The following PTPN9 variants were observed in gnomAD, a reference collection of about 807,000 sequenced individuals.
The protein encoded by PTPN9 is protein tyrosine phosphatase non-receptor type 9, also known as tyrosine-protein phosphatase non-receptor type 9.
PTPN9 carries 26 observed loss-of-function variants against 69.8 expected under a neutral mutation model. That is an observed-to-expected ratio of 0.37 (90% CI 0.27 to 0.52). The LOEUF (loss-of-function observed/expected upper bound fraction) is 0.52, where lower values mean the gene tolerates loss of function less well. Ranked by LOEUF, PTPN9 falls within the 20% of genes least tolerant of loss-of-function variation. The probability of loss-of-function intolerance (pLI) is 0.91; values close to 1 mark genes in which losing one functional copy is unlikely to be tolerated. For synonymous variants in PTPN9, 274 were observed against 272.5 expected, an observed-to-expected ratio of 1.01 and a Z score of -0.05; for missense variants, 549 against 740.3, an observed-to-expected ratio of 0.74 and a Z score of 3.00.
intron 1 of PTPN9, among the ~76,000 whole-genome samples, chr15:75,543,192 T>A (rs185684396): frequency 1.1e-4 from 17 of 152,246 alleles, no homozygotes; most frequent in Non-Finnish European, 2.1e-4. Flanking sequence ...TCATTTTTTA[T>A]GGCTGCCCTT....
intron 7 of PTPN9, among the ~76,000 whole-genome samples, chr15:75,491,654 T>C (rs917736495): frequency 6.6e-6 from 1 of 152,116 alleles, no homozygotes; most frequent in African/African-American, 2.4e-5. Context: ...AAAGAAGAGC[T>C]ATAGAGAAAG....
chr15:75,505,609 G>T, intron 7 of PTPN9, 66 bp downstream of exon 7: 1 of 1,229,956 alleles, frequency 8.1e-7, no homozygotes, highest in Non-Finnish European at 1.2e-6. Flanking sequence ...GGTGGAAGGA[G>T]CTGTTGCCAG....
At chr15:75,569,992 TG>T (rs1464977089) in intron 1 of PTPN9, among the ~76,000 whole-genome samples, 2 of 152,006 alleles carry the variant, frequency 1.3e-5, no homozygotes, top group Non-Finnish European at 2.9e-5. Context: ...AGCTAATTTT[TG>T]TATCTTTACT....
chr15:75,548,578 A>G (rs1199556236), intron 1 of PTPN9, among the ~76,000 whole-genome samples: 5 of 151,454 alleles, frequency 3.3e-5, no homozygotes, highest in Admixed American at 2.6e-4. Context: ...GAACTTCTAA[A>G]GAGAAGACAG....
At chr15:75,569,443 G>A (rs1052233684) in intron 1 of PTPN9, among the ~76,000 whole-genome samples, 33 of 151,994 alleles carry the variant, frequency 2.2e-4, no homozygotes, top group African/African-American at 9.7e-5. Context: ...GGTGGCTCAC[G>A]CCTGTAATCC....
intron 1 of PTPN9, among the ~76,000 whole-genome samples, chr15:75,552,840 G>C (rs978665452): frequency 1.0e-4 from 15 of 149,222 alleles, no homozygotes; most frequent in African/African-American, 3.7e-4. Context: ...AAGGGCACTG[G>C]GTCATGCTGA....
At chr15:75,568,961 T>A (rs1279992897) in intron 1 of PTPN9, among the ~76,000 whole-genome samples, 1 of 152,134 alleles carries the variant, frequency 6.6e-6, no homozygotes, top group Non-Finnish European at 1.5e-5. Context: ...CTGAGAAGTG[T>A]AGGCTAAACT....
intron 1 of PTPN9, among the ~76,000 whole-genome samples, chr15:75,537,924 T>C (rs751384343): frequency 4.6e-5 from 7 of 151,312 alleles, no homozygotes; most frequent in African/African-American, 9.7e-5. Flanking sequence ...CTGTGTGTGG[T>C]GGTGCCTGCC....
rs1340923992 is a variant in PTPN9, at chr15:75,510,852, C to T, written c.529-1825G>A. On this transcript the variant is annotated intron_variant, in intron 5 of 12. Transcript: ENST00000618819. The stretch of plus-strand genomic sequence containing the variant: ...TCATCACAAACAAAAACCCTGTACC[C>T]ATTAAATAACATCTCCCTATTCCCT... 2.6e-5 allele frequency among the ~76,000 whole-genome samples: 4 copies of T among 152,234 alleles called. No homozygotes were observed. In the East Asian group the frequency reaches 7.7e-4, roughly 29 times the overall value.
chr15:75,530,092 G>A (rs1353805043), intron 1 of PTPN9, among the ~76,000 whole-genome samples: 1 of 149,938 alleles, frequency 6.7e-6, no homozygotes, highest in Non-Finnish European at 1.5e-5. Flanking sequence ...CTCCCGGCTA[G>A]TCAGGAGGCT....
At chr15:75,506,133 G>T in intron 6 of PTPN9, 130 bp from the exon 7 acceptor site, 1 of 716,708 alleles carries the variant, frequency 1.4e-6, no homozygotes, top group Non-Finnish European at 2.3e-6. Context: ...AGGTATACTT[G>T]TAAAAGTAGT....
Position 75,490,276 on chromosome 15 carries a change from G to A in PTPN9, c.994C>T (p.Arg332Cys). 2 of 1,613,282 alleles carry A rather than the reference G, an allele frequency of 1.2e-6. No homozygotes were observed. The highest frequency in any genetic ancestry group is 2.2e-5 in the East Asian group (1 of 44,866). ...SMSPGNLEKN[R>C]YGDVPCLDQT... ...TCCAGGCAGGGTACATCCCCATAAC[G>A]GTTTTTCTCTAGGTTTCCTGGAGAC... Residue 332 changes from arginine (R) to cysteine (C), a missense_variant, in exon 8 of 13, where the codon CGT (arginine) becomes TGT (cysteine). Physicochemically the swap from Arg to Cys is radical, Grantham distance 180. Coordinates refer to ENST00000618819, the MANE Select transcript of PTPN9 (RefSeq NM_002833.4).
chr15:75,575,266 C>T (rs1480824080), intron 1 of PTPN9, among the ~76,000 whole-genome samples: 1 of 27,086 alleles, frequency 3.7e-5, no homozygotes, highest in Non-Finnish European at 6.3e-5. Flanking sequence ...AGCCACCGCG[C>T]CCGGCCGAAA....
chr15:75,536,394 C>A (rs900273457), intron 1 of PTPN9, among the ~76,000 whole-genome samples: 1 of 152,142 alleles, frequency 6.6e-6, no homozygotes. Context: ...TGTATAAATA[C>A]ATCTTTACCA....
chr15:75,572,035 C>G (rs527572428), intron 1 of PTPN9, among the ~76,000 whole-genome samples: 3 of 151,784 alleles, frequency 2.0e-5, no homozygotes, highest in Admixed American at 6.6e-5. Flanking sequence ...AGTGAGAGTT[C>G]TAGTTAAGAG....
chr15:75,492,792 T>TA (rs1280224659), intron 7 of PTPN9, among the ~76,000 whole-genome samples: 2 of 152,184 alleles, frequency 1.3e-5, no homozygotes, highest in East Asian at 3.8e-4. Flanking sequence ...AAATGTGAAC[T>TA]AAAAGCCAAG....
rs369935863 is a variant in PTPN9, at chr15:75,552,348, G to A, written c.64-25087C>T. ...CTTGAACCCAGGAGGCGGAGGTTGC[G>A]GTGAGCCAAGATCACACCATTGTAC... is the stretch of plus-strand genomic sequence containing the variant. On this transcript the variant is annotated intron_variant, in intron 1 of 12. Coordinates refer to ENST00000618819, the MANE Select transcript of PTPN9 (RefSeq NM_002833.4). Among the ~76,000 whole-genome samples the A allele has an allele frequency of 1.2e-4, 18 of 152,142 alleles. No homozygotes were observed. In the East Asian group the frequency reaches 2.5e-3, roughly 21 times the overall value.
chr15:75,468,677 G>T lies in PTPN9; in HGVS notation c.*92C>A. 9.1e-7 allele frequency: 1 copy of T among 1,101,044 alleles called. No individual in the cohort carries two copies. Among genetic ancestry groups the T allele is most frequent in the Non-Finnish European group, 1.3e-6 (1 of 745,564 alleles). 68.2% of individuals were successfully genotyped at this position (1,101,044 alleles called of 1,614,324 possible). A position where few individuals can be genotyped will look rare whatever the true frequency, so the allele number is the denominator to read the frequency against. ...GACACAAGAAAGAAGTTGATCCATG[G>T]CTTCAGCGTAACTGATGGCAACCTA... On this transcript the variant is annotated 3_prime_UTR_variant, in exon 13 of 13. Transcript: ENST00000618819.
At chr15:75,482,063 CTG>C (rs2074639789) in intron 8 of PTPN9, among the ~76,000 whole-genome samples, 2 of 149,930 alleles carry the variant, frequency 1.3e-5, no homozygotes, top group African/African-American at 2.5e-5. Flanking sequence ...GTTGCCGTGT[CTG>C]TGTAGAAAGA....
Sources: allele counts gnomAD v4.1 joint callset (sites outside exome capture counted in the v4.1 genomes callset), GRCh38; gene constraint gnomAD v4.1.1; transcripts MANE v1.5; gene names NCBI Gene and HGNC (gene_info 2026-07-23, HGNC 2026-07-21).